The following PEAK1 variants were observed in gnomAD, a reference collection of about 807,000 sequenced individuals.
The protein encoded by PEAK1 is inactive tyrosine-protein kinase PEAK1.
PEAK1 carries 54 observed loss-of-function variants against 124.7 expected under a neutral mutation model. That is an observed-to-expected ratio of 0.43 (90% confidence interval 0.35 to 0.54). The LOEUF (loss-of-function observed/expected upper bound fraction) is 0.54, where lower values mean the gene tolerates loss of function less well. Ranked by LOEUF, PEAK1 falls within the 20% of genes least tolerant of loss-of-function variation. The pLI, the probability that PEAK1 is intolerant of heterozygous loss-of-function variation, is 0.01. For missense variants in PEAK1, 2,046 were observed against 2,134.5 expected, an observed-to-expected ratio of 0.96 and a Z score of 0.82; for synonymous variants, 719 against 760.0, an observed-to-expected ratio of 0.95 and a Z score of 0.89.
chr15:77,180,948 A>G lies in PEAK1; in HGVS notation c.979T>C (p.Ser327Pro). 1 of 1,614,182 alleles carries G rather than the reference A, an allele frequency of 6.2e-7. No homozygotes were observed. Among genetic ancestry groups the G allele is most frequent in the Non-Finnish European group, 8.5e-7 (1 of 1,180,018 alleles). Reference protein sequence around the residue: ...LNGYEENSVVSYGQGSIQSMV... With the variant: ...LNGYEENSVVPYGQGSIQSMV... The stretch of plus-strand genomic sequence containing the variant: ...CTCTGAATGCTTCCTTGTCCATAAG[A>G]GACCACAGAATTTTCCTCATAACCA... Residue 327 changes from serine (S) to proline (P), a missense_variant, in exon 7 of 10, where the codon TCT (serine) becomes CCT (proline). Ser to Pro is a moderately conservative substitution (Grantham distance 74). Coordinates refer to ENST00000682557, the MANE Select transcript of PEAK1 (RefSeq NM_001385026.1).
chr15:77,254,908 A>G (rs1162510980), intron 5 of PEAK1, among the ~76,000 whole-genome samples: 2 of 152,196 alleles, frequency 1.3e-5, no homozygotes, highest in South Asian at 4.1e-4. Flanking sequence ...TAATAAACTG[A>G]TTTCAGAGAT....
chr15:77,178,181 A>T (rs962881799), intron 7 of PEAK1: 1 of 152,512 alleles, frequency 6.6e-6, no homozygotes, highest in Admixed American at 6.5e-5. Flanking sequence ...ACTGAATATT[A>T]TACTACTGGG....
At chr15:77,200,107 T>C (rs1169300868) in intron 6 of PEAK1, among the ~76,000 whole-genome samples, 2 of 152,222 alleles carry the variant, frequency 1.3e-5, no homozygotes, top group African/African-American at 4.8e-5. Flanking sequence ...TCTGTCACCC[T>C]TGAGATAGCA....
chr15:77,211,848 C>CAAAA (rs34360713), intron 6 of PEAK1, among the ~76,000 whole-genome samples: 3 of 49,750 alleles, frequency 6.0e-5, no homozygotes, highest in Non-Finnish European at 8.0e-5. Context: ...AACTCCATCT[C>CAAAA]AAAAAAAAAA....
chr15:77,268,698 C>A (rs2061869298), intron 5 of PEAK1, among the ~76,000 whole-genome samples: 1 of 152,068 alleles, frequency 6.6e-6, no homozygotes, highest in African/African-American at 2.4e-5. Flanking sequence ...ACATCACCAC[C>A]TAGGCACATA....
At chr15:77,309,839 T>A (rs2153000029) in intron 2 of PEAK1, among the ~76,000 whole-genome samples, 1 of 152,240 alleles carries the variant, frequency 6.6e-6, no homozygotes, top group South Asian at 2.1e-4. Context: ...TAGTGGTGAG[T>A]AATCCAAAAC....
At chr15:77,365,573 A>AC (rs1370723505) in intron 1 of PEAK1, among the ~76,000 whole-genome samples, 2 of 152,062 alleles carry the variant, frequency 1.3e-5, no homozygotes, top group African/African-American at 2.4e-5. Flanking sequence ...CCGTGTCTCT[A>AC]CTAAAAATAC....
intron 5 of PEAK1, among the ~76,000 whole-genome samples, chr15:77,259,416 G>C (rs909059133): frequency 1.3e-5 from 2 of 151,972 alleles, no homozygotes; most frequent in Non-Finnish European, 1.5e-5. Context: ...CTTTTCTTCT[G>C]ATCAGTTTCT....
chr15:77,295,137 A>G lies in PEAK1; in HGVS notation c.-602-8633T>C, dbSNP rs532226926. On this transcript the variant is annotated intron_variant, in intron 2 of 9. Transcript: ENST00000682557. ...TTAATAACCTTGACTAAGCTTATAA[A>G]AAGTACCACTCAGGGTGACCTTATG... Among the ~76,000 whole-genome samples, 14 of 152,276 alleles carry G rather than the reference A, an allele frequency of 9.2e-5. No homozygotes were observed. The South Asian group carries it at 2.9e-3, about 32-fold the overall frequency.
At position 77,281,476 on chromosome 15, in the gene PEAK1, G is replaced by A. The variant is rs192173833; in HGVS notation, c.-275+2407C>T. On this transcript the variant is annotated intron_variant, in intron 5 of 9. Coordinates refer to ENST00000682557, the MANE Select transcript of PEAK1 (RefSeq NM_001385026.1). ...ATACTACCAAATCTTATATTAAAAT[G>A]TTCTGTTTATATATAAGAATAAGCA... Among the ~76,000 whole-genome samples the A allele has an allele frequency of 6.6e-4, 101 of 152,156 alleles. 1 individual carries two copies. The East Asian group carries it at 0.019, about 28-fold the overall frequency.
At chr15:77,263,748 C>G (rs2061564951) in intron 5 of PEAK1, among the ~76,000 whole-genome samples, 1 of 152,174 alleles carries the variant, frequency 6.6e-6, no homozygotes, top group Admixed American at 6.5e-5. Flanking sequence ...CTCCCTAACT[C>G]ATTTTATGAG....
chr15:77,183,553 C>T lies in PEAK1; in HGVS notation c.-114-1513G>A, dbSNP rs116168046. The stretch of plus-strand genomic sequence containing the variant: ...CCCCATCAAGCACAATGTTATCCTC[C>T]CCAAAATGGAATTTCATTCTTCTCA... On this transcript the variant is annotated intron_variant, in intron 6 of 9. Transcript: ENST00000682557. Among the ~76,000 whole-genome samples the T allele has an allele frequency of 3.0e-3, 458 of 152,074 alleles. 2 individuals carry two copies. The highest frequency in any genetic ancestry group is 0.011 in the African/African-American group (439 of 41,484).
At chr15:77,346,401 C>T (rs2141386491) in intron 2 of PEAK1, 2 of 983,090 alleles carry the variant, frequency 2.0e-6, no homozygotes, top group Non-Finnish European at 2.4e-6. Flanking sequence ...TATGAGAAGG[C>T]AATTTCATTT....
intron 1 of PEAK1, among the ~76,000 whole-genome samples, chr15:77,395,231 T>C (rs1324675235): frequency 6.6e-6 from 1 of 152,042 alleles, no homozygotes; most frequent in Non-Finnish European, 1.5e-5. Flanking sequence ...GAAGACAAGC[T>C]CTTTGAAAAT....
At chr15:77,268,508 T>A (rs1441316271) in intron 5 of PEAK1, among the ~76,000 whole-genome samples, 1 of 151,496 alleles carries the variant, frequency 6.6e-6, no homozygotes, top group Non-Finnish European at 1.5e-5. Context: ...CCAAGAAGTT[T>A]GAGATTATGT....
chr15:77,348,035 T>C (rs2066974993), intron 2 of PEAK1: 6 of 985,342 alleles, frequency 6.1e-6, no homozygotes, highest in Non-Finnish European at 7.2e-6. Context: ...ACTATGCACA[T>C]GGCTATCAAA....
chr15:77,123,475 G>A (rs1056714684), intron 9 of PEAK1, among the ~76,000 whole-genome samples: 4 of 152,106 alleles, frequency 2.6e-5, no homozygotes, highest in African/African-American at 9.7e-5. Context: ...TAATAGGAGA[G>A]GTTCTACCTA....
chr15:77,357,802 C>A (rs922164361), intron 2 of PEAK1, among the ~76,000 whole-genome samples: 1 of 152,030 alleles, frequency 6.6e-6, no homozygotes, highest in African/African-American at 2.4e-5. Context: ...GACCACATAC[C>A]TTTTCTATTT....
chr15:77,249,289 C>T (rs1341200205), intron 6 of PEAK1, among the ~76,000 whole-genome samples: 1 of 152,074 alleles, frequency 6.6e-6, no homozygotes, highest in Non-Finnish European at 1.5e-5. Flanking sequence ...TATTCTTTGT[C>T]TGTAAGAATA....
Sources: allele counts gnomAD v4.1 joint callset (sites outside exome capture counted in the v4.1 genomes callset), GRCh38; gene constraint gnomAD v4.1.1; transcripts MANE v1.5; gene names NCBI Gene and HGNC (gene_info 2026-07-23, HGNC 2026-07-21).